The following COLEC10 variants were observed in gnomAD, a reference collection of about 807,000 sequenced individuals.
COLEC10 encodes the protein collectin subfamily member 10, also known as collectin-10.
Under a neutral mutation model 28.4 loss-of-function variants are expected in COLEC10, and 22 were observed. The observed-to-expected ratio is 0.78, with a 90% CI of 0.55 to 1.11. COLEC10 has a LOEUF of 1.11. Ranked by LOEUF, COLEC10 falls within the 50% of genes least tolerant of loss-of-function variation. COLEC10 has a pLI of 0.00. For missense variants in COLEC10, 361 were observed against 344.1 expected (o/e 1.05, Z -0.39); for synonymous variants, 125 against 116.1 (o/e 1.08, Z -0.49).
chr8:119,048,592 TC>T (rs1200597115), intron 2 of COLEC10, among the ~76,000 whole-genome samples: 5 of 152,226 alleles, frequency 3.3e-5, no homozygotes, highest in African/African-American at 1.2e-4. Context: ...TTATGTAATA[TC>T]CTTTTTTTGT....
At chr8:119,079,773 T>C (rs1284910508) in intron 1 of COLEC10, among the ~76,000 whole-genome samples, 5 of 152,128 alleles carry the variant, frequency 3.3e-5, no homozygotes, top group Non-Finnish European at 7.3e-5. Flanking sequence ...GTTGTTTTCT[T>C]TGCTAGGTTG....
chr8:118,987,069 AG>A, the COLEC10 span, among the ~76,000 whole-genome samples: 6 of 152,166 alleles, frequency 3.9e-5, no homozygotes, highest in Non-Finnish European at 8.8e-5. Flanking sequence ...AAAAAGCAAC[AG>A]GGGAAGAGAG....
At chr8:119,044,822 A>G (rs77148170) in intron 2 of COLEC10, among the ~76,000 whole-genome samples, 6,416 of 151,344 alleles carry the variant, frequency 0.042, 203 homozygotes, top group East Asian at 0.16. Context: ...ACCAGCATGG[A>G]TGACAGAGTG....
chr8:118,980,413 G>A, the COLEC10 span, among the ~76,000 whole-genome samples: 2 of 151,784 alleles, frequency 1.3e-5, no homozygotes, highest in African/African-American at 2.4e-5. Context: ...GGGTGGTCTC[G>A]AACTCCTGAT....
chr8:119,067,585 G>A (rs1452763586), intron 1 of COLEC10, 156 bp downstream of exon 1: 6 of 659,452 alleles, frequency 9.1e-6, no homozygotes, highest in Middle Eastern at 4.1e-4. Context: ...TCCAGATCTG[G>A]TCTGTTACTT....
chr8:119,015,447 C>A (rs1478412352), intron 2 of COLEC10, among the ~76,000 whole-genome samples: 1 of 145,248 alleles, frequency 6.9e-6, no homozygotes, highest in Non-Finnish European at 1.5e-5. Flanking sequence ...GAAGGCAGAT[C>A]TTGTTAGGAA....
At chr8:119,068,099 G>A (rs1200843591) in intron 1 of COLEC10, 2 of 152,058 alleles carry the variant, frequency 1.3e-5, no homozygotes, top group Admixed American at 6.6e-5. Flanking sequence ...TATTTTTCTG[G>A]TTTTAGCTTT....
intron 1 of COLEC10, among the ~76,000 whole-genome samples, chr8:119,088,606 C>A (rs1815529005): frequency 6.6e-6 from 1 of 152,168 alleles, no homozygotes. Context: ...TTCCTCCTTT[C>A]ATCTGCTGAT....
intron 2 of COLEC10, among the ~76,000 whole-genome samples, chr8:119,032,218 G>A (rs1478581046): frequency 6.6e-6 from 1 of 152,166 alleles, no homozygotes; most frequent in East Asian, 1.9e-4. Flanking sequence ...ACCCTTATCT[G>A]TAAAATATAA....
chr8:118,989,546 C>T, the COLEC10 span, among the ~76,000 whole-genome samples: 3 of 147,690 alleles, frequency 2.0e-5, no homozygotes, highest in Admixed American at 6.8e-5. Flanking sequence ...CACACACACA[C>T]ACACACACAC....
At chr8:119,083,995 G>T (rs1035724311) in intron 1 of COLEC10, among the ~76,000 whole-genome samples, 1 of 152,078 alleles carries the variant, frequency 6.6e-6, no homozygotes, top group Non-Finnish European at 1.5e-5. Flanking sequence ...GACAATGATG[G>T]TTGCAAACGT....
chr8:119,094,380 C>T (rs1490369054), intron 3 of COLEC10, among the ~76,000 whole-genome samples: 1 of 152,148 alleles, frequency 6.6e-6, no homozygotes, highest in South Asian at 2.1e-4. Flanking sequence ...AAAGAAAAAT[C>T]TGACACTACT....
At chr8:119,052,303 C>T (rs1219024287) in intron 2 of COLEC10, among the ~76,000 whole-genome samples, 1 of 152,068 alleles carries the variant, frequency 6.6e-6, no homozygotes, top group Non-Finnish European at 1.5e-5. Context: ...AAAATGGTAG[C>T]AGCACCAAGT....
In COLEC10 at chr8:119,091,203, G is replaced by T; in HGVS notation, c.275G>T (p.Gly92Val). 6.2e-7 allele frequency: 1 copy of T among 1,612,058 alleles called. No individual in the cohort carries two copies. Among genetic ancestry groups the T allele is most frequent in the Non-Finnish European group, 8.5e-7 (1 of 1,178,970 alleles). Residue 92 changes from glycine (G) to valine (V), a missense_variant, in exon 3 of 6, where the codon GGG becomes GTG. By Grantham distance (109) the Gly-to-Val change is moderately radical. Transcript: ENST00000332843. ...MGDQGNIGKTGPIGKKGDKGE... is the reference protein window; with the variant it reads ...MGDQGNIGKTVPIGKKGDKGE... ...GATCAGGGCAATATTGGCAAGACTG[G>T]GCCCATTGGGAAGAAGGGTAAGTTG...
intron 2 of COLEC10, among the ~76,000 whole-genome samples, chr8:119,053,349 G>A (rs573042564): frequency 8.5e-5 from 13 of 152,086 alleles, no homozygotes; most frequent in Non-Finnish European, 1.5e-4. Context: ...AGGGCAATAC[G>A]CTAGCAAAGT....
chr8:119,076,596 A>G (rs1905775), intron 1 of COLEC10, among the ~76,000 whole-genome samples: 94,922 of 152,102 alleles, frequency 0.62, 30,112 homozygotes, highest in Middle Eastern at 0.74. Context: ...AACTCTTATT[A>G]TTATCTGCAT....
chr8:118,998,563 G>A (rs1813632468), intron 1 of COLEC10, among the ~76,000 whole-genome samples: 1 of 151,994 alleles, frequency 6.6e-6, no homozygotes, highest in African/African-American at 2.4e-5. Context: ...ACTTGGCCAG[G>A]CATGGTGGCT....
chr8:119,059,706 G>T (rs555743267), intron 2 of COLEC10, among the ~76,000 whole-genome samples: 1 of 152,044 alleles, frequency 6.6e-6, no homozygotes, highest in Non-Finnish European at 1.5e-5. Context: ...ATACATGAAG[G>T]CCTCATACTT....
At chr8:118,995,208 T>A (rs1813569627), upstream of COLEC10, among the ~76,000 whole-genome samples, 1 of 152,018 alleles carries the variant, frequency 6.6e-6, no homozygotes. Flanking sequence ...GGTCTTTCCC[T>A]GGAATTTGAG....
Sources: gnomAD v4.1 joint callset for allele counts (sites outside exome capture counted in the v4.1 genomes callset) on GRCh38, gnomAD v4.1.1 for gene constraint, MANE v1.5 for transcripts, NCBI Gene and HGNC (gene_info 2026-07-23, HGNC 2026-07-21) for gene names.